Variants in PSMD6 observed in about 807,000 individuals in gnomAD.
PSMD6 encodes proteasome 26S subunit, non-ATPase 6.
In PSMD6, 7 loss-of-function variants were observed where a neutral mutation model predicts 44.9. The observed-to-expected ratio is 0.16, with a 90% confidence interval of 0.09 to 0.29. PSMD6 has a LOEUF of 0.29. PSMD6 is among the 10% of genes least tolerant of loss of function. PSMD6 has a pLI of 1.00. For missense variants in PSMD6, 420 were observed against 482.6 expected (o/e 0.87, Z 1.21); for synonymous variants, 184 against 172.7 (o/e 1.07, Z -0.51).
At chr3:64,019,130 T>A (rs2076092378) in intron 3 of PSMD6, 93 bp from the exon 4 acceptor site, 1 of 1,419,998 alleles carries the variant, frequency 7.0e-7, no homozygotes. Context: ...AAACAACTTT[T>A]AACAACTTGA....
intron 6 of PSMD6, 146 bp downstream of exon 6, chr3:64,013,293 T>C (rs2075991297): frequency 1.4e-6 from 1 of 733,540 alleles, no homozygotes. Context: ...AGGATACGAA[T>C]GTTTTGATAA....
Position 64,018,634 on chromosome 3 carries a change from T to A in PSMD6, c.791A>T (p.Tyr264Phe). 1 of 1,595,596 alleles carries A rather than the reference T, an allele frequency of 6.3e-7. No homozygotes were observed. Among genetic ancestry groups the A allele is most frequent in the Non-Finnish European group, 8.6e-7 (1 of 1,163,332 alleles). ...GAAGAAAACAGAGTAACGGCATTCA[T>A]AGAGTGAAAACAGATACTGCCGAAC... ...PAVRQYLFSL[Y>F]ECRYSVFFQS... is the part of the protein sequence containing the mutation. Residue 264 changes from tyrosine (Y) to phenylalanine (F), a missense_variant, in exon 5 of 8, where the codon TAT (tyrosine) becomes TTT (phenylalanine). Transcript: ENST00000295901.
intron 6 of PSMD6, chr3:64,011,280 A>AAAG (rs1302791837): frequency 5.2e-6 from 1 of 193,994 alleles, no homozygotes; most frequent in Non-Finnish European, 1.0e-5. Context: ...GTTTCAAACA[A>AAAG]AAGACCTAAA....
intron 5 of PSMD6, chr3:64,018,251 C>T (rs933707996): frequency 1.2e-5 from 2 of 169,896 alleles, no homozygotes; most frequent in Non-Finnish European, 2.5e-5. Flanking sequence ...TTGCCTTATA[C>T]CCCATTAAGA....
chr3:64,022,537 A>G lies in PSMD6; in HGVS notation c.146-14T>C, dbSNP rs756078314. 4 of 1,613,120 alleles carry G rather than the reference A, an allele frequency of 2.5e-6. No homozygotes were observed. In the South Asian group the frequency reaches 4.4e-5, roughly 18 times the overall value. On this transcript the variant is annotated splice_polypyrimidine_tract_variant and intron_variant, in intron 1 of 7. Coordinates refer to ENST00000295901, the MANE Select transcript of PSMD6 (RefSeq NM_014814.3). Reference sequence around the variant, plus strand: ...AAGGAGCCATGTCTAACATGCAAAAAGAGGGATGTGTGAGTGGGGACACTT... The same window carrying G: ...AAGGAGCCATGTCTAACATGCAAAAGGAGGGATGTGTGAGTGGGGACACTT...
chr3:64,015,617 C>A (rs755525024), intron 5 of PSMD6: 1 of 152,110 alleles, frequency 6.6e-6, no homozygotes, highest in Non-Finnish European at 1.5e-5. Flanking sequence ...AAGATATACA[C>A]GTTACTTGTG....
At chr3:64,014,630 G>C (rs2076015976) in intron 5 of PSMD6, 1 of 152,140 alleles carries the variant, frequency 6.6e-6, no homozygotes, top group African/African-American at 2.4e-5. Flanking sequence ...AGAGACTCTA[G>C]AGTATACTTA....
intron 6 of PSMD6, chr3:64,011,569 A>ACAAGGCCTTTTTAGGTAACAACAACT: frequency 6.6e-6 from 1 of 152,320 alleles, no homozygotes; most frequent in South Asian, 2.1e-4. Flanking sequence ...AGAAATTTAA[A>ACAAGGCCTTTTTAGGTAACAACAACT]ACAAGGCCTT....
intron 2 of PSMD6, chr3:64,020,053 C>T (rs1038628822): frequency 6.6e-6 from 1 of 152,116 alleles, no homozygotes; most frequent in African/African-American, 2.4e-5. Flanking sequence ...TAAATACTAT[C>T]CCCCACTAAA....
At chr3:64,023,762 T>C (rs893442869), upstream of PSMD6, 9 of 1,461,134 alleles carry the variant, frequency 6.2e-6, no homozygotes, top group Non-Finnish European at 8.3e-6. Flanking sequence ...TAAAATTTTT[T>C]GAAAACTGAA....
At chr3:64,019,664 C>T (rs1476648590) in intron 2 of PSMD6, 3 of 445,084 alleles carry the variant, frequency 6.7e-6, no homozygotes, top group Admixed American at 4.1e-5. Flanking sequence ...ATAAGAAATG[C>T]CCAAGCATAT....
chr3:64,019,543 G>A (rs2076097877), intron 2 of PSMD6, 102 bp from the exon 3 acceptor site: 1 of 1,294,172 alleles, frequency 7.7e-7, no homozygotes, highest in Non-Finnish European at 1.1e-6. Context: ...GAAGAGGTAG[G>A]AGTAGAAGTA....
intron 6 of PSMD6, chr3:64,011,187 T>TCAAA: frequency 2.6e-6 from 1 of 383,256 alleles, no homozygotes; most frequent in Non-Finnish European, 4.7e-6. Context: ...AGAAAGTAGA[T>TCAAA]CAAACAATGA....
chr3:64,012,156 T>C (rs1252166951), intron 6 of PSMD6: 3 of 145,906 alleles, frequency 2.1e-5, no homozygotes, highest in East Asian at 4.1e-4. Context: ...AGCAAATATG[T>C]TAAAATGTAC....
In PSMD6 at chr3:64,022,444, C is replaced by T. The variant is rs373028814; in HGVS notation, c.225G>A (p.Lys75=). 3 of 1,614,032 alleles carry T rather than the reference C, an allele frequency of 1.9e-6. No individual in the cohort carries two copies. The highest frequency in any genetic ancestry group is 1.3e-5 in the African/African-American group (1 of 74,918). ...IDVDLLNKMK[K]ANEDELKRLD... is the part of the protein sequence containing the mutation. The stretch of plus-strand genomic sequence containing the variant: ...AACGCTTCAACTCATCTTCATTTGC[C>T]TTCTTCATTTTATTGAGTAGGTCCA... Residue 75 remains lysine (K), a synonymous_variant, in exon 2 of 8, where the codon AAG becomes AAA. Transcript: ENST00000295901.
At chr3:64,023,800 A>G (rs1010545825), upstream of PSMD6, 1 of 1,477,482 alleles carries the variant, frequency 6.8e-7, no homozygotes, top group Non-Finnish European at 9.1e-7. Flanking sequence ...AATAAAAACA[A>G]TCACCATAGT....
chr3:64,011,800 C>G (rs1261825291), intron 6 of PSMD6: 1 of 152,234 alleles, frequency 6.6e-6, no homozygotes, highest in Non-Finnish European at 1.5e-5. Context: ...ATTACAGTTA[C>G]GATACTGAAG....
In PSMD6 at chr3:64,022,845, A is replaced by G. The variant is rs535418491; in HGVS notation, c.146-322T>C. 1.4e-4 allele frequency: 214 copies of G among 1,532,866 alleles called. 2 individuals carry two copies. In the South Asian group the frequency reaches 2.4e-3, roughly 17 times the overall value. 95.0% of individuals were successfully genotyped at this position (1,532,866 alleles called of 1,614,324 possible). ...TTTTTATACACACATACTCACATAC[A>G]TATGTTCAAACATACACATTCACTA... On this transcript the variant is annotated intron_variant, in intron 1 of 7. Transcript: ENST00000295901.
chr3:64,012,825 A>G (rs2075982135), intron 6 of PSMD6: 1 of 152,238 alleles, frequency 6.6e-6, no homozygotes, highest in Non-Finnish European at 1.5e-5. Context: ...ACGTAAGGAT[A>G]GCATTTTCTC....
Sources: gnomAD v4.1 joint callset for allele counts on GRCh38, gnomAD v4.1.1 for gene constraint, MANE v1.5 for transcripts, NCBI Gene and HGNC (gene_info 2026-07-23, HGNC 2026-07-21) for gene names.